The following IFT122 variants were observed in gnomAD, a reference collection of about 807,000 sequenced individuals.
IFT122 encodes the protein intraflagellar transport protein 122 homolog.
Under a neutral mutation model 161.6 loss-of-function variants are expected in IFT122, and 118 were observed. That is an observed-to-expected ratio of 0.73 (90% CI 0.63 to 0.85). IFT122 has a LOEUF of 0.85. IFT122 is among the 40% of genes least tolerant of loss of function. The pLI, the probability that IFT122 is intolerant of heterozygous loss-of-function variation, is 0.00. For missense variants in IFT122, 1,381 were observed against 1,579.6 expected (o/e 0.87, Z 2.13); for synonymous variants, 550 against 602.4 (o/e 0.91, Z 1.27).
At chr3:129,514,674 T>A in intron 25 of IFT122, 120 bp downstream of exon 25, 1 of 1,163,622 alleles carries the variant, frequency 8.6e-7, no homozygotes, top group Middle Eastern at 2.2e-4. Context: ...CTAGGCTCTG[T>A]GCCCCCTGCT....
chr3:129,520,236 C>T lies in IFT122; in HGVS notation c.3697C>T (p.Arg1233Cys), dbSNP rs778449955. The change falls in exon 30 of 30, where the codon CGC (arginine) becomes TGC (cysteine). Residue 1233 changes from arginine to cysteine, a missense_variant. This residue lies in a region of IFT122 where 177 missense variants were observed against 199.2 expected (regional missense o/e 0.89). Transcript: ENST00000348417. ...VLQHGCCPYC[R>C]RCKDDPGP ...TCAGCATGGCTGCTGCCCCTACTGC[C>T]GCAGGTGCAAGGATGACCCTGGCCC... 9.9e-6 allele frequency: 16 copies of T among 1,611,242 alleles called. No individual in the cohort carries two copies. The highest frequency in any genetic ancestry group is 5.0e-5 in the Admixed American group (3 of 59,998).
intron 9 of IFT122, among the ~76,000 whole-genome samples, chr3:129,475,704 C>T (rs966685558): frequency 1.3e-5 from 2 of 151,894 alleles, no homozygotes; most frequent in African/African-American, 4.8e-5. Context: ...GTCCCAGCTA[C>T]TTAGGAGGCT....
chr3:129,485,341 A>G (rs1182383326), intron 15 of IFT122, among the ~76,000 whole-genome samples: 2 of 152,182 alleles, frequency 1.3e-5, no homozygotes, highest in Non-Finnish European at 2.9e-5. Flanking sequence ...ACTTCTTCTA[A>G]GTTGATGATA....
chr3:129,465,393 T>C (rs2076631489), intron 7 of IFT122, among the ~76,000 whole-genome samples: 1 of 151,798 alleles, frequency 6.6e-6, no homozygotes, highest in African/African-American at 2.4e-5. Flanking sequence ...AATTGGCACC[T>C]ACCTTCTTAA....
chr3:129,498,438 T>C (rs1170635348), intron 18 of IFT122, among the ~76,000 whole-genome samples: 1 of 152,238 alleles, frequency 6.6e-6, no homozygotes, highest in Non-Finnish European at 1.5e-5. Context: ...AAGGTGTGTC[T>C]GTAAAGGCCC....
intron 20 of IFT122, chr3:129,503,983 G>A (rs1186129027): frequency 1.4e-5 from 5 of 360,198 alleles, no homozygotes; most frequent in South Asian, 4.5e-5. Flanking sequence ...CTTAGGTGTC[G>A]CCCGCAATTA....
intron 21 of IFT122, among the ~76,000 whole-genome samples, chr3:129,505,097 CTG>C (rs1016092829): frequency 2.6e-5 from 4 of 152,242 alleles, no homozygotes; most frequent in African/African-American, 7.2e-5. Flanking sequence ...ACTTCCCTCT[CTG>C]TGTCAGGCCC....
intron 1 of IFT122, among the ~76,000 whole-genome samples, chr3:129,445,028 G>C (rs1211215087): frequency 6.6e-6 from 1 of 152,174 alleles, no homozygotes; most frequent in Non-Finnish European, 1.5e-5. Context: ...CTTCAGGCCA[G>C]ATTGCCTGGG....
intron 13 of IFT122, among the ~76,000 whole-genome samples, chr3:129,480,855 T>C (rs2078554610): frequency 6.6e-6 from 1 of 151,984 alleles, no homozygotes; most frequent in African/African-American, 2.4e-5. Context: ...GGTTGGGAGT[T>C]AAAGCCAATG....
chr3:129,470,422 C>T (rs1226642024), intron 9 of IFT122, among the ~76,000 whole-genome samples: 1 of 151,028 alleles, frequency 6.6e-6, no homozygotes. Context: ...CACCACCACG[C>T]CTGGCTAATA....
chr3:129,468,736 A>G (rs1431339146), intron 8 of IFT122, among the ~76,000 whole-genome samples: 1 of 152,208 alleles, frequency 6.6e-6, no homozygotes, highest in African/African-American at 2.4e-5. Context: ...TCCCAGCCCC[A>G]CAGCACTGAT....
At position 129,440,336 on chromosome 3, in the gene IFT122, G is replaced by T. The variant is rs1429460690; in HGVS notation, c.6G>T (p.Arg2Ser). M[R>S]AVLTWRDKAE... ...GAGCCGTAAGGGAAGCCGTGATGAG[G>T]GCCGTGTTGACGTGGAGAGATAAAG... The change falls in exon 1 of 30, where the codon AGG becomes AGT. Residue 2 changes from arginine (R) to serine (S), a missense_variant. By Grantham distance (110) the Arg-to-Ser change is moderately radical. Around this residue, in one of 7 missense-constraint regions of IFT122, gnomAD observed 134 missense variants for 137.4 expected, o/e 0.98. Transcript: ENST00000348417. 6.4e-7 allele frequency: 1 copy of T among 1,550,982 alleles called. No individual in the cohort carries two copies. The highest frequency in any genetic ancestry group is 2.4e-5 in the East Asian group (1 of 40,918).
At chr3:129,447,048 C>A (rs1159573470) in intron 1 of IFT122, among the ~76,000 whole-genome samples, 1 of 152,224 alleles carries the variant, frequency 6.6e-6, no homozygotes, top group African/African-American at 2.4e-5. Flanking sequence ...TTTCTAGCCT[C>A]ATTTCTCCAT....
chr3:129,463,313 C>T lies in IFT122; in HGVS notation c.350-247C>T, dbSNP rs1004799657. On this transcript the variant is annotated intron_variant, in intron 5 of 29. Transcript: ENST00000348417. ...ACCACTTAGTGTCATATCTACTCAC[C>T]TTACCTCCAGTTATCTCCAAACCCT... 1.9e-5 allele frequency: 9 copies of T among 467,332 alleles called. No individual in the cohort carries two copies. In the East Asian group the frequency reaches 3.4e-4, roughly 17 times the overall value. The allele number at this position is 467,332 out of a possible 1,614,324, so 28.9% of individuals were successfully genotyped here. A position where few individuals can be genotyped will look rare whatever the true frequency, so the allele number is the denominator to read the frequency against.
At chr3:129,478,255 C>G (rs2078193016) in intron 12 of IFT122, 37 bp downstream of exon 12, 1 of 1,576,478 alleles carries the variant, frequency 6.3e-7, no homozygotes, top group African/African-American at 1.4e-5. Context: ...GGGCTGAATT[C>G]CATTTGTGCT....
intron 1 of IFT122, among the ~76,000 whole-genome samples, chr3:129,448,048 A>T (rs2074256728): frequency 6.6e-6 from 1 of 152,064 alleles, no homozygotes; most frequent in Admixed American, 6.6e-5. Flanking sequence ...TCTTTGCCTG[A>T]AATGTCCTTT....
intron 11 of IFT122, 112 bp downstream of exon 11, chr3:129,476,913 A>C (rs1028322032): frequency 2.4e-5 from 33 of 1,366,798 alleles, no homozygotes; most frequent in Non-Finnish European, 3.1e-5. Flanking sequence ...CGTTTTGCAA[A>C]CCTGTTAGCC....
chr3:129,479,657 T>C (rs929061735), intron 12 of IFT122, 128 bp from the exon 13 acceptor site: 1 of 1,147,794 alleles, frequency 8.7e-7, no homozygotes, highest in East Asian at 2.4e-5. Context: ...GGGGTCTACA[T>C]TGGGTTAGAT....
chr3:129,492,209 A>AT lies in IFT122; in HGVS notation c.2046+20dup. On this transcript the variant is annotated intron_variant, in intron 17 of 29. Transcript: ENST00000348417. ...GCAGCATTGAGGTAAAAGATGAAGC[A>AT]TTTTTCCTTCTCAAGAAGGCATACT... The AT allele has an allele frequency of 1.2e-6, 2 of 1,606,118 alleles. No individual in the cohort carries two copies. The highest frequency in any genetic ancestry group is 1.7e-6 in the Non-Finnish European group (2 of 1,172,920).
Sources: allele counts gnomAD v4.1 joint callset (sites outside exome capture counted in the v4.1 genomes callset), GRCh38; gene constraint gnomAD v4.1.1; regional missense constraint gnomAD v4.1.1; transcripts MANE v1.5; gene names NCBI Gene and HGNC (gene_info 2026-07-23, HGNC 2026-07-21).